FRK: variants seen among roughly 807,000 people sequenced by gnomAD.
FRK encodes the protein fyn related Src family tyrosine kinase.
In FRK, 51 loss-of-function variants were observed where a neutral mutation model predicts 56.4. The ratio of observed to expected loss-of-function variants is 0.90; its 90% CI spans 0.72 to 1.14. The LOEUF (loss-of-function observed/expected upper bound fraction) is 1.14, where lower values mean the gene tolerates loss of function less well. Among genes scored for constraint, FRK ranks in the 50% most tolerant of loss-of-function variants. The probability of loss-of-function intolerance (pLI) is 0.00; values close to 1 mark genes in which losing one functional copy is unlikely to be tolerated. For synonymous variants in FRK, 245 were observed against 217.9 expected (o/e 1.12, Z -1.10); for missense variants, 570 against 601.4 (o/e 0.95, Z 0.55).
the FRK span, among the ~76,000 whole-genome samples, chr6:116,096,267 C>T: frequency 1.8e-4 from 28 of 152,208 alleles, no homozygotes; most frequent in Non-Finnish European, 2.9e-4. Context: ...GAATGGTCAT[C>T]GCCCAATTCC....
intron 1 of FRK, among the ~76,000 whole-genome samples, chr6:116,005,210 A>C (rs900104139): frequency 4.6e-5 from 7 of 152,184 alleles, no homozygotes; most frequent in Admixed American, 2.0e-4. Context: ...ATTACAGTAC[A>C]TTAACTGTAT....
the FRK span, among the ~76,000 whole-genome samples, chr6:116,066,240 G>A: frequency 2.6e-5 from 4 of 152,220 alleles, no homozygotes; most frequent in East Asian, 1.9e-4. Flanking sequence ...ATGAAAAAGC[G>A]AGACTGGCCT....
At chr6:115,943,531 T>C (rs1471248348) in intron 6 of FRK, among the ~76,000 whole-genome samples, 3 of 150,830 alleles carry the variant, frequency 2.0e-5, no homozygotes, top group African/African-American at 7.3e-5. Flanking sequence ...TATTGTTTGA[T>C]TTACTGATGA....
chr6:115,981,071 G>A (rs1454205350), intron 2 of FRK, among the ~76,000 whole-genome samples: 5 of 151,942 alleles, frequency 3.3e-5, no homozygotes, highest in South Asian at 2.1e-4. Context: ...CAAATGACAC[G>A]GCACACTTAC....
At position 115,956,561 on chromosome 6, in the gene FRK, G is replaced by A. The variant is rs200718000; in HGVS notation, c.849C>T (p.Asn283=). The A allele has an allele frequency of 1.9e-6, 3 of 1,589,646 alleles. No individual in the cohort carries two copies. Among genetic ancestry groups the A allele is most frequent in the Non-Finnish European group, 1.7e-6 (2 of 1,168,638 alleles). Residue 283 remains asparagine, a synonymous_variant, in exon 5 of 8, where the codon AAC becomes AAT. Coordinates refer to ENST00000606080, the MANE Select transcript of FRK (RefSeq NM_002031.3). ...GCTGGATAAGCTTTGGATGTCTTAG[G>A]TTCTTCATTATCTGTGCCTCCCTCA... ...DFLREAQIMK[N]LRHPKLIQLY...
chr6:116,059,113 T>C (rs1203569004), intron 1 of FRK, among the ~76,000 whole-genome samples: 3 of 151,902 alleles, frequency 2.0e-5, no homozygotes, highest in Non-Finnish European at 4.4e-5. Flanking sequence ...TCCTTTACCC[T>C]CCCCAACTCA....
At chr6:116,046,089 T>C (rs149992575) in intron 1 of FRK, among the ~76,000 whole-genome samples, 7,428 of 152,252 alleles carry the variant, frequency 0.049, 229 homozygotes, top group Middle Eastern at 0.065. Context: ...AAAACCATGA[T>C]GAGATACCAT....
intron 4 of FRK, among the ~76,000 whole-genome samples, chr6:115,960,533 G>A (rs1443201399): frequency 6.9e-6 from 1 of 145,326 alleles, no homozygotes; most frequent in Non-Finnish European, 1.5e-5. Context: ...CGAACTGGGT[G>A]GAGCCCACCA....
upstream of FRK, among the ~76,000 whole-genome samples, chr6:116,064,377 C>A (rs1582775912): frequency 6.6e-6 from 1 of 152,066 alleles, no homozygotes; most frequent in Non-Finnish European, 1.5e-5. Context: ...GTGTCTTGTA[C>A]AATGTCCATT....
At chr6:116,000,913 T>C (rs1306457835) in intron 2 of FRK, among the ~76,000 whole-genome samples, 1 of 152,030 alleles carries the variant, frequency 6.6e-6, no homozygotes, top group Non-Finnish European at 1.5e-5. Context: ...CATGCAAAAA[T>C]GTTCACAAGA....
At chr6:116,005,321 C>T (rs1026477620) in intron 1 of FRK, among the ~76,000 whole-genome samples, 1 of 152,168 alleles carries the variant, frequency 6.6e-6, no homozygotes, top group African/African-American at 2.4e-5. Flanking sequence ...TATTAAGGTA[C>T]TCAAGGTCAT....
intron 5 of FRK, among the ~76,000 whole-genome samples, chr6:115,948,268 A>T (rs1772546516): frequency 6.6e-6 from 1 of 152,178 alleles, no homozygotes; most frequent in African/African-American, 2.4e-5. Context: ...ACAGCCCAGG[A>T]GGAAGCGACA....
chr6:115,997,356 C>T lies in FRK; in HGVS notation c.466+6521G>A, dbSNP rs191779819. 3.0e-3 allele frequency among the ~76,000 whole-genome samples: 453 copies of T among 152,156 alleles called. 2 individuals are homozygous for T. Among genetic ancestry groups the T allele is most frequent in the Non-Finnish European group, 3.1e-3 (211 of 68,000 alleles). On this transcript the variant is annotated intron_variant, in intron 2 of 7. Transcript: ENST00000606080. ...TACTATTATAAAAGTCCTGCATACT[C>T]CATGGGAACTCCAAGTTCACTGTGA... is the stretch of plus-strand genomic sequence containing the variant.
chr6:116,094,251 A>G, the FRK span, among the ~76,000 whole-genome samples: 1 of 152,198 alleles, frequency 6.6e-6, no homozygotes, highest in Non-Finnish European at 1.5e-5. Context: ...CCCCAACAAG[A>G]TGATCCAATA....
chr6:116,043,539 C>T (rs1303291472), intron 1 of FRK, among the ~76,000 whole-genome samples: 7 of 151,932 alleles, frequency 4.6e-5, no homozygotes, highest in Admixed American at 3.3e-4. Flanking sequence ...TTGAAACCAA[C>T]GAGAACAAAG....
the FRK span, among the ~76,000 whole-genome samples, chr6:116,087,861 A>G: frequency 6.6e-6 from 1 of 152,204 alleles, no homozygotes; most frequent in African/African-American, 2.4e-5. Context: ...TCATGTAAGT[A>G]CAGACTTACA....
At chr6:115,983,495 A>C (rs1774283070) in intron 2 of FRK, among the ~76,000 whole-genome samples, 1 of 152,196 alleles carries the variant, frequency 6.6e-6, no homozygotes, top group Non-Finnish European at 1.5e-5. Flanking sequence ...TTACCTTCTT[A>C]CAGTATTTTT....
Position 115,935,742 on chromosome 6 carries a change from T to C in FRK, c.*6672A>G, listed in dbSNP as rs1003759693. 2.6e-5 allele frequency: 4 copies of C among 152,306 alleles called. No homozygotes were observed. Among genetic ancestry groups the C allele is most frequent in the Middle Eastern group, 6.8e-3 (2 of 294 alleles). The allele number at this position is 152,306 out of a possible 1,614,324, so 9.4% of individuals were successfully genotyped here. A position where few individuals can be genotyped will look rare whatever the true frequency, so the allele number is the denominator to read the frequency against. ...AAACAAAGCTGCCTGGGAGTTCGAA[T>C]TGGGTAGAGCCCACCACCTCAGCTC... On this transcript the variant is annotated 3_prime_UTR_variant, in exon 8 of 8. Transcript: ENST00000606080.
In FRK at chr6:115,938,047, C is replaced by G. The variant is rs1392347018; in HGVS notation, c.*4367G>C. On this transcript the variant is annotated 3_prime_UTR_variant, in exon 8 of 8. Transcript: ENST00000606080. Reference sequence around the variant, plus strand: ...ACATTCTTCTCAGCACCTCATCGCACTTATTCTAAAAGTGATCACATAATT... The same window carrying G: ...ACATTCTTCTCAGCACCTCATCGCAGTTATTCTAAAAGTGATCACATAATT... 1 of 152,196 alleles carries G rather than the reference C, an allele frequency of 6.6e-6. No homozygotes were observed. The highest frequency in any genetic ancestry group is 1.5e-5 in the Non-Finnish European group (1 of 68,044). The allele number at this position is 152,196 out of a possible 1,614,324, so 9.4% of individuals were successfully genotyped here. A position where few individuals can be genotyped will look rare whatever the true frequency, so the allele number is the denominator to read the frequency against.
Sources: gnomAD v4.1 joint callset for allele counts (sites outside exome capture counted in the v4.1 genomes callset) on GRCh38, gnomAD v4.1.1 for gene constraint, MANE v1.5 for transcripts, NCBI Gene and HGNC (gene_info 2026-07-23, HGNC 2026-07-21) for gene names.